DENND2B: variants seen among roughly 807,000 people sequenced by gnomAD.
DENND2B encodes the protein DENN domain containing 2B.
DENND2B carries 32 observed loss-of-function variants against 116.0 expected under a neutral mutation model. That is an observed-to-expected ratio of 0.28 (90% CI 0.21 to 0.37). The LOEUF (loss-of-function observed/expected upper bound fraction) is 0.37, where lower values mean the gene tolerates loss of function less well. Ranked by LOEUF, DENND2B falls within the 10% of genes least tolerant of loss-of-function variation. The pLI is 1.00. For missense variants in DENND2B, 1,276 were observed against 1,477.7 expected (o/e 0.86, Z 2.24); for synonymous variants, 588 against 583.9 (o/e 1.01, Z -0.10).
At chr11:8,834,339 G>A (rs773047781) in intron 4 of DENND2B, among the ~76,000 whole-genome samples, 19 of 152,200 alleles carry the variant, frequency 1.2e-4, no homozygotes, top group Non-Finnish European at 7.3e-5. Flanking sequence ...CTTTAAATTA[G>A]ACGCTTTCCA....
chr11:8,854,016 A>ATTTTTTTTTTTTTT lies in DENND2B; in HGVS notation c.-156+3313_-156+3326dup, dbSNP rs71059187. On this transcript the variant is annotated intron_variant, in intron 3 of 6. Transcript: ENST00000524757. Reference sequence around the variant, plus strand: ...GGTGAATGCCACCATGCCCCAGTTAATTTTTTTTTTTTTTTTTTTTTTTTT... The same window carrying ATTTTTTTTTTTTTT: ...GGTGAATGCCACCATGCCCCAGTTAATTTTTTTTTTTTTTTTTTTTTTTTTTTTTTTTTTTTTTT... Among the ~76,000 whole-genome samples, 33 of 62,776 alleles carry ATTTTTTTTTTTTTT rather than the reference A, an allele frequency of 5.3e-4. 2 individuals carry two copies. Among genetic ancestry groups the ATTTTTTTTTTTTTT allele is most frequent in the Non-Finnish European group, 6.5e-4 (23 of 35,368 alleles). The allele number at this position is 62,776 out of a possible 152,430, so 41.2% of individuals were successfully genotyped here.
chr11:8,839,316 T>C (rs1325572445), exon 4 of DENND2B: 1 of 152,190 alleles, frequency 6.6e-6, no homozygotes, highest in Non-Finnish European at 1.5e-5. Flanking sequence ...CTACCTGAAT[T>C]ATCCAAGAAA....
At chr11:8,851,154 G>C (rs1381166570) in intron 3 of DENND2B, among the ~76,000 whole-genome samples, 1 of 152,028 alleles carries the variant, frequency 6.6e-6, no homozygotes, top group Non-Finnish European at 1.5e-5. Flanking sequence ...TCACATACTT[G>C]AAAATTACTA....
At chr11:8,754,770 A>G (rs534031350) in intron 1 of DENND2B, among the ~76,000 whole-genome samples, 1 of 152,378 alleles carries the variant, frequency 6.6e-6, no homozygotes, top group South Asian at 2.1e-4. Flanking sequence ...TACATTCTAC[A>G]ACATGAATAA....
chr11:8,861,783 T>C (rs950386482), intron 2 of DENND2B, among the ~76,000 whole-genome samples: 1 of 152,108 alleles, frequency 6.6e-6, no homozygotes, highest in Non-Finnish European at 1.5e-5. Flanking sequence ...CCAACCTAAG[T>C]GCCCATCAAC....
chr11:8,872,384 C>T (rs2063794704), upstream of DENND2B, among the ~76,000 whole-genome samples: 1 of 151,246 alleles, frequency 6.6e-6, no homozygotes, highest in Admixed American at 6.6e-5. Flanking sequence ...TACTAGGGAG[C>T]CTTGAGGCAG....
In DENND2B at chr11:8,729,981, C is replaced by T; in HGVS notation, c.1309G>A (p.Asp437Asn). The T allele has an allele frequency of 6.2e-7, 1 of 1,614,124 alleles. No homozygotes were observed. The highest frequency in any genetic ancestry group is 8.5e-7 in the Non-Finnish European group (1 of 1,179,994). Residue 437 changes from aspartate (D) to asparagine (N), a missense_variant, in exon 3 of 20, where the codon GAC becomes AAC. By Grantham distance (23) the Asp-to-Asn change is conservative. This residue lies in a region of DENND2B where 856 missense variants were observed against 846.6 expected (regional missense o/e 1.01). Coordinates refer to ENST00000313726, the MANE Select transcript of DENND2B (RefSeq NM_213618.2). Reference sequence around the variant, plus strand: ...TGGGACTTGCGGTGACCACGCATGTCCTTCTTGGGTCTCCGGGTGACTGGC... The same window carrying T: ...TGGGACTTGCGGTGACCACGCATGTTCTTCTTGGGTCTCCGGGTGACTGGC... Reference protein sequence around the residue: ...APPVTRRPKKDMRGHRKSQSR... With the variant: ...APPVTRRPKKNMRGHRKSQSR...
chr11:8,714,112 C>G, intron 7 of DENND2B, 70 bp from the exon 8 acceptor site: 1 of 1,504,692 alleles, frequency 6.6e-7, no homozygotes, highest in Non-Finnish European at 9.2e-7. Flanking sequence ...CCCCACCACC[C>G]CAGCTTTTCT....
At chr11:8,721,856 C>T (rs559964090) in intron 4 of DENND2B, among the ~76,000 whole-genome samples, 6 of 152,368 alleles carry the variant, frequency 3.9e-5, no homozygotes, top group South Asian at 2.1e-4. Context: ...GCCCGGTCCC[C>T]GGCTTGCATC....
chr11:8,724,345 T>C (rs1369286488), intron 4 of DENND2B, among the ~76,000 whole-genome samples: 2 of 151,692 alleles, frequency 1.3e-5, no homozygotes, highest in African/African-American at 2.4e-5. Flanking sequence ...GGTTTCCCTC[T>C]ACCCTGGGCC....
intron 4 of DENND2B, among the ~76,000 whole-genome samples, chr11:8,833,977 A>G (rs1197465662): frequency 2.0e-5 from 3 of 152,218 alleles, no homozygotes; most frequent in Non-Finnish European, 4.4e-5. Context: ...TAACTGTTTA[A>G]ACCTAGATCA....
At chr11:8,717,691 C>T in intron 5 of DENND2B, 50 bp downstream of exon 5, 2 of 1,485,056 alleles carry the variant, frequency 1.3e-6, no homozygotes, top group Non-Finnish European at 1.8e-6. Context: ...AGCAGGCCCC[C>T]ACTGTGGCCC....
rs1004907747 is a variant in DENND2B, at chr11:8,731,201, G to A, written c.89C>T (p.Ser30Leu). 1.3e-6 allele frequency: 2 copies of A among 1,500,450 alleles called. No homozygotes were observed. The highest frequency in any genetic ancestry group is 1.8e-6 in the Non-Finnish European group (2 of 1,125,308). The allele number at this position is 1,500,450 out of a possible 1,614,324, so 92.9% of individuals were successfully genotyped here. A position where few individuals can be genotyped will look rare whatever the true frequency, so the allele number is the denominator to read the frequency against. The change falls in exon 3 of 20, where the codon TCA (serine) becomes TTA (leucine). Residue 30 changes from serine (S) to leucine (L), a missense_variant. Ser to Leu is a moderately radical substitution (Grantham distance 145). Coordinates refer to ENST00000313726, the MANE Select transcript of DENND2B (RefSeq NM_213618.2). ...APRGTLSRSQ[S>L]VSPPPVLSPP... ...GGAGAGAACTGGAGGTGGAGAGACT[G>A]ACTGAGACCTGGGGGCAAAACAAAA...
chr11:8,764,762 T>A (rs1035806109), intron 1 of DENND2B, among the ~76,000 whole-genome samples: 6 of 151,972 alleles, frequency 3.9e-5, no homozygotes, highest in Non-Finnish European at 7.4e-5. Context: ...CTGACCAACA[T>A]GGTGAAGTCC....
chr11:8,800,063 T>C (rs966941200), intron 1 of DENND2B, among the ~76,000 whole-genome samples: 1 of 151,724 alleles, frequency 6.6e-6, no homozygotes, highest in South Asian at 2.1e-4. Context: ...AAGCAATCAT[T>C]CCACCTCAGC....
chr11:8,708,142 A>T lies in DENND2B; in HGVS notation c.2353-288T>A. On this transcript the variant is annotated intron_variant, in intron 11 of 19. Transcript: ENST00000313726. ...AGGAGGACGCTGACGGGGGCTGGCA[A>T]AGGGCAAAGCAGTTTGGCAGAGGCT... The T allele has an allele frequency of 1.3e-5, 17 of 1,345,718 alleles. 1 individual carries two copies. In the South Asian group the frequency reaches 2.4e-4, roughly 19 times the overall value. The allele number at this position is 1,345,718 out of a possible 1,614,324, so 83.4% of individuals were successfully genotyped here. A position where few individuals can be genotyped will look rare whatever the true frequency, so the allele number is the denominator to read the frequency against.
At chr11:8,785,069 G>A (rs994463213) in intron 1 of DENND2B, 5 of 152,160 alleles carry the variant, frequency 3.3e-5, no homozygotes, top group African/African-American at 1.2e-4. Flanking sequence ...TGGTAGAGTA[G>A]TTGCTAAGAA....
intron 1 of DENND2B, among the ~76,000 whole-genome samples, chr11:8,802,688 C>CCGGCA (rs1175479595): frequency 4.6e-5 from 7 of 152,196 alleles, no homozygotes; most frequent in Non-Finnish European, 7.3e-5. Flanking sequence ...TCAGAAAACA[C>CCGGCA]TGGCATTTTT....
chr11:8,842,181 T>G (rs1253427807), intron 3 of DENND2B, among the ~76,000 whole-genome samples: 1 of 152,184 alleles, frequency 6.6e-6, no homozygotes, highest in Non-Finnish European at 1.5e-5. Context: ...CCTTGACAGG[T>G]TTCTCTCCTG....
Sources: gnomAD v4.1 joint callset for allele counts (sites outside exome capture counted in the v4.1 genomes callset) on GRCh38, gnomAD v4.1.1 for gene constraint, gnomAD v4.1.1 regional missense constraint, MANE v1.5 for transcripts, NCBI Gene and HGNC (gene_info 2026-07-23, HGNC 2026-07-21) for gene names.